DGAT2: variants seen among roughly 807,000 people sequenced by gnomAD.
DGAT2 encodes the protein diacylglycerol O-acyltransferase 2.
A neutral mutation model predicts 48.4 loss-of-function variants in DGAT2; 33 were observed. That is an observed-to-expected ratio of 0.68 (90% CI 0.52 to 0.91). DGAT2 has a LOEUF of 0.91. DGAT2 is among the 40% of genes least tolerant of loss of function. DGAT2 has a pLI of 0.00. For synonymous variants in DGAT2, 191 were observed against 194.1 expected, an observed-to-expected ratio of 0.98 and a Z score of 0.13; for missense variants, 446 against 493.7, an observed-to-expected ratio of 0.90 and a Z score of 0.92.
intron 1 of DGAT2, among the ~76,000 whole-genome samples, chr11:75,770,065 C>G (rs1944742439): frequency 6.6e-6 from 1 of 152,208 alleles, no homozygotes; most frequent in Non-Finnish European, 1.5e-5. Context: ...GGTAAATCGA[C>G]TATCCAAAGA....
At chr11:75,786,927 A>G (rs901271679) in intron 2 of DGAT2, among the ~76,000 whole-genome samples, 1 of 152,246 alleles carries the variant, frequency 6.6e-6, no homozygotes, top group African/African-American at 2.4e-5. Context: ...AACTACTGAT[A>G]ATAAAATATA....
At chr11:75,784,570 G>T in intron 1 of DGAT2, 48 bp from the exon 2 acceptor site, 2 of 1,608,824 alleles carry the variant, frequency 1.2e-6, no homozygotes, top group South Asian at 2.2e-5. Context: ...GGGACCCCAT[G>T]ACTGGAGAGA....
At chr11:75,787,975 C>T (rs1183112046) in intron 2 of DGAT2, among the ~76,000 whole-genome samples, 1 of 152,220 alleles carries the variant, frequency 6.6e-6, no homozygotes, top group African/African-American at 2.4e-5. Context: ...CAGGCTGCCT[C>T]AGCAGCAGAG....
At chr11:75,797,995 C>T (rs1267163984) in intron 6 of DGAT2, among the ~76,000 whole-genome samples, 1 of 152,214 alleles carries the variant, frequency 6.6e-6, no homozygotes, top group Non-Finnish European at 1.5e-5. Context: ...GCTCAGCCTT[C>T]CCTTTGCCTG....
rs1419349861 is a variant in DGAT2, at chr11:75,801,323, C to T, written c.*815C>T. 1.3e-5 allele frequency: 2 copies of T among 152,658 alleles called. No individual in the cohort carries two copies. The highest frequency in any genetic ancestry group is 1.3e-4 in the Admixed American group (2 of 15,288). The allele number at this position is 152,658 out of a possible 1,614,324, so 9.5% of individuals were successfully genotyped here. A position where few individuals can be genotyped will look rare whatever the true frequency, so the allele number is the denominator to read the frequency against. On this transcript the variant is annotated 3_prime_UTR_variant, in exon 8 of 8. Coordinates refer to ENST00000228027, the MANE Select transcript of DGAT2 (RefSeq NM_032564.5). ...TTCTGGATGTGAGGAAGAGATCCCTCTTCAGAAGGGGCCTGGCCTTCTGAG... is the reference window on the plus strand; with the variant it reads ...TTCTGGATGTGAGGAAGAGATCCCTTTTCAGAAGGGGCCTGGCCTTCTGAG...
intron 2 of DGAT2, among the ~76,000 whole-genome samples, chr11:75,787,554 T>A (rs368084100): frequency 6.6e-6 from 1 of 152,346 alleles, no homozygotes; most frequent in African/African-American, 2.4e-5. Flanking sequence ...GAGCCTTCCA[T>A]GTGTGGGGCA....
At chr11:75,771,326 C>T (rs1944755654) in intron 1 of DGAT2, among the ~76,000 whole-genome samples, 1 of 152,050 alleles carries the variant, frequency 6.6e-6, no homozygotes, top group South Asian at 2.1e-4. Flanking sequence ...TATTCTTTAT[C>T]CTTGCCTTTG....
intron 1 of DGAT2, among the ~76,000 whole-genome samples, chr11:75,781,380 T>C (rs904061274): frequency 3.3e-5 from 5 of 152,046 alleles, no homozygotes; most frequent in African/African-American, 1.2e-4. Flanking sequence ...ATTTCTGAGG[T>C]GGACTGGGGG....
At chr11:75,784,530 G>T in intron 1 of DGAT2, 88 bp from the exon 2 acceptor site, 6 of 1,547,934 alleles carry the variant, frequency 3.9e-6, no homozygotes, top group Non-Finnish European at 5.3e-6. Flanking sequence ...ATATCTAGAA[G>T]GGTACCTGTG....
At chr11:75,773,044 A>C (rs1944773142) in intron 1 of DGAT2, among the ~76,000 whole-genome samples, 1 of 152,212 alleles carries the variant, frequency 6.6e-6, no homozygotes, top group Non-Finnish European at 1.5e-5. Context: ...TGGAAACAGG[A>C]ACCTTGTCTG....
rs1193192253 is a variant in DGAT2, at chr11:75,800,145, G to C, written c.1013-209G>C. Among the ~76,000 whole-genome samples the C allele has an allele frequency of 2.6e-5, 4 of 152,310 alleles. No individual in the cohort carries two copies. The East Asian group carries it at 5.8e-4, about 22-fold the overall frequency. On this transcript the variant is annotated intron_variant, in intron 7 of 7. Coordinates refer to ENST00000228027, the MANE Select transcript of DGAT2 (RefSeq NM_032564.5). ...TGATCCCATCTGCAGCTTAGCACCT[G>C]GTGGCCTCGGGTGGGTCCCTTCACA...
chr11:75,785,745 C>CT (rs1944915970), intron 2 of DGAT2, among the ~76,000 whole-genome samples: 1 of 152,228 alleles, frequency 6.6e-6, no homozygotes, highest in Admixed American at 6.5e-5. Flanking sequence ...ATCATCAGGA[C>CT]TTACCATGTC....
At chr11:75,773,592 C>A (rs1473288477) in intron 1 of DGAT2, 1 of 152,276 alleles carries the variant, frequency 6.6e-6, no homozygotes, top group Non-Finnish European at 1.5e-5. Flanking sequence ...CTGTGTTACA[C>A]ATTCAGCAGG....
At chr11:75,773,276 G>A (rs759367583) in intron 1 of DGAT2, among the ~76,000 whole-genome samples, 3 of 152,172 alleles carry the variant, frequency 2.0e-5, no homozygotes, top group Non-Finnish European at 4.4e-5. Context: ...GCTGTTCCCT[G>A]CCCTGGAGGT....
intron 2 of DGAT2, among the ~76,000 whole-genome samples, chr11:75,787,913 C>A (rs950671812): frequency 6.6e-6 from 1 of 152,134 alleles, no homozygotes; most frequent in South Asian, 2.1e-4. Context: ...CTGAGAAAGG[C>A]CAGGCTAGAA....
intron 5 of DGAT2, 136 bp downstream of exon 5, chr11:75,796,668 G>GCCCTGACCCACCATGTCTGA: frequency 2.3e-6 from 2 of 860,176 alleles, no homozygotes; most frequent in Non-Finnish European, 1.8e-6. Context: ...ACCTGCTTCA[G>GCCCTGACCCACCATGTCTGA]ACATGGTGGG....
At chr11:75,794,739 T>G (rs1032106744) in intron 4 of DGAT2, 1 of 152,150 alleles carries the variant, frequency 6.6e-6, no homozygotes, top group Non-Finnish European at 1.5e-5. Flanking sequence ...AAAAATGATA[T>G]CAACCCATAT....
chr11:75,769,166 GC>G, intron 1 of DGAT2, 54 bp downstream of exon 1: 1 of 1,508,706 alleles, frequency 6.6e-7, no homozygotes, highest in South Asian at 1.3e-5. Flanking sequence ...TCTGGAAAGG[GC>G]CCTGTGGCAG....
At chr11:75,797,417 C>A in intron 6 of DGAT2, 85 bp downstream of exon 6, 2 of 1,322,206 alleles carry the variant, frequency 1.5e-6, no homozygotes, top group Non-Finnish European at 2.0e-6. Flanking sequence ...AAGACAGGAC[C>A]CAGACCCCAG....
Sources: allele counts gnomAD v4.1 joint callset (sites outside exome capture counted in the v4.1 genomes callset), GRCh38; gene constraint gnomAD v4.1.1; transcripts MANE v1.5; gene names NCBI Gene and HGNC (gene_info 2026-07-23, HGNC 2026-07-21).